The following GK variants were observed in gnomAD, a reference collection of about 807,000 sequenced individuals.
GK encodes glycerol kinase.
A neutral mutation model predicts 56.4 loss-of-function variants in GK; 9 were observed. The ratio of observed to expected loss-of-function variants is 0.16; its 90% CI spans 0.10 to 0.28. The LOEUF (loss-of-function observed/expected upper bound fraction) is 0.28, where lower values mean the gene tolerates loss of function less well. GK is among the 10% of genes least tolerant of loss of function. The pLI is 1.00. For synonymous variants in GK, 104 were observed against 144.1 expected (o/e 0.72, Z 1.99); for missense variants, 161 against 431.4 (o/e 0.37, Z 5.55).
intron 18 of GK, 112 bp downstream of exon 18, chrX:30,721,107 T>C (rs994995023): frequency 2.7e-6 from 2 of 742,340 alleles, no homozygotes; most frequent in African/African-American, 2.1e-5. Context: ...AAATAGTAAA[T>C]GTTATCATTG....
chrX:30,675,448 C>T (rs904026024), intron 3 of GK, among the ~76,000 whole-genome samples: 2 of 108,346 alleles, frequency 1.8e-5, no homozygotes, highest in African/African-American at 3.4e-5. Context: ...CCACCCACCT[C>T]GGCCTCCCAA....
chrX:30,685,427 C>T (rs1381911597), intron 4 of GK, among the ~76,000 whole-genome samples: 2 of 112,329 alleles, frequency 1.8e-5, no homozygotes, highest in African/African-American at 6.5e-5. Flanking sequence ...ACCACCGCGC[C>T]TGGCTAAAAG....
chrX:30,723,947 C>T, intron 18 of GK, 154 bp from the exon 19 acceptor site: 4 of 493,105 alleles, frequency 8.1e-6, no homozygotes, highest in South Asian at 2.8e-5. Context: ...TCATCAGCAA[C>T]CATGTGCTTT....
At chrX:30,725,704 T>C (rs1937098902) in intron 19 of GK, among the ~76,000 whole-genome samples, 1 of 111,595 alleles carries the variant, frequency 9.0e-6, no homozygotes, top group Non-Finnish European at 1.9e-5. Context: ...CAGGCTGGAG[T>C]GCAGTGGTGG....
chrX:30,667,964 A>G (rs1164193066), intron 2 of GK, 48 bp from the exon 3 acceptor site: 2 of 695,284 alleles, frequency 2.9e-6, no homozygotes, highest in Non-Finnish European at 4.7e-6. Context: ...GAAAAAAGTT[A>G]TATTTGTGTT....
In GK at chrX:30,655,374, A is replaced by G. The variant is rs531745539; in HGVS notation, c.78+1759A>G. Among the ~76,000 whole-genome samples, 61 of 111,054 alleles carry G rather than the reference A, an allele frequency of 5.5e-4. No individual in the cohort carries two copies. In the South Asian group the frequency reaches 0.022, roughly 41 times the overall value. ...CCATATTCAAGAATTGCCCACACAA[A>G]TGCCTGCAGGGACCAGGCAGGTAGA... On this transcript the variant is annotated intron_variant, in intron 1 of 20. Transcript: ENST00000427190.
intron 3 of GK, among the ~76,000 whole-genome samples, chrX:30,676,272 C>T (rs1933898728): frequency 8.9e-6 from 1 of 111,895 alleles, no homozygotes; most frequent in African/African-American, 3.2e-5. Flanking sequence ...GGTCTTGCTA[C>T]ATTTTCCAGT....
chrX:30,718,547 G>A lies in GK; in HGVS notation c.985G>A (p.Ala329Thr). 1 of 1,181,869 alleles carries A rather than the reference G, an allele frequency of 8.5e-7. No individual in the cohort carries two copies. Among genetic ancestry groups the A allele is most frequent in the Non-Finnish European group, 1.2e-6 (1 of 868,798 alleles). ...PVYYALEGSV[A>T]IAGAVIRWLR... ...TCCTTTTTTTCTTTAGGGTTCTGTA[G>A]CTATAGCTGGTGCTGTTATTCGCTG... Residue 329 changes from alanine to threonine, a missense_variant, in exon 14 of 21, where the codon GCT (alanine) becomes ACT (threonine). Coordinates refer to ENST00000427190, the MANE Select transcript of GK (RefSeq NM_001205019.2).
chrX:30,665,337 T>A lies in GK; in HGVS notation c.79-174T>A, dbSNP rs757276692. Among the ~76,000 whole-genome samples, 3 of 112,367 alleles carry A rather than the reference T, an allele frequency of 2.7e-5. No homozygotes were observed. In the East Asian group the frequency reaches 8.3e-4, roughly 31 times the overall value. On this transcript the variant is annotated intron_variant, in intron 1 of 20. Transcript: ENST00000427190. The stretch of plus-strand genomic sequence containing the variant: ...TTACCTAAAGAGAAGTTATTTCTGA[T>A]GCTGCCTTATATCTTTTATGAATCC...
chrX:30,721,060 T>C, intron 18 of GK, 65 bp downstream of exon 18: 1 of 1,050,854 alleles, frequency 9.5e-7, no homozygotes, highest in Non-Finnish European at 1.3e-6. Flanking sequence ...ACGGGAGTTT[T>C]GTTTTTCTGT....
chrX:30,699,619 C>T (rs1450116905), intron 9 of GK, among the ~76,000 whole-genome samples: 1 of 110,109 alleles, frequency 9.1e-6, no homozygotes, highest in Admixed American at 9.8e-5. Context: ...CCACCTCGGC[C>T]TCCCAAAGTG....
At chrX:30,694,039 AT>A (rs1935119009) in intron 5 of GK, among the ~76,000 whole-genome samples, 1 of 112,217 alleles carries the variant, frequency 8.9e-6, no homozygotes, top group Non-Finnish European at 1.9e-5. Flanking sequence ...TTTAAATGTC[AT>A]TTTTATGGAA....
intron 4 of GK, among the ~76,000 whole-genome samples, chrX:30,686,538 G>GT (rs903848268): frequency 4.1e-4 from 45 of 109,790 alleles, no homozygotes; most frequent in South Asian, 1.2e-3. Flanking sequence ...TTTTAGTGGG[G>GT]TTTTTTTTTA....
At position 30,677,216 on chromosome X, in the gene GK, CACTCAAAGAAAAT is replaced by C. The variant is rs761994413; in HGVS notation, c.260-157_260-145del. On this transcript the variant is annotated intron_variant, in intron 3 of 20. Coordinates refer to ENST00000427190, the MANE Select transcript of GK (RefSeq NM_001205019.2). Reference sequence around the variant, plus strand: ...ATTGGGTATTGACTTTTTCTGGAGCCACTCAAAGAAAATAAACTAATATCACTACAAATGTTTC... The same window carrying C: ...ATTGGGTATTGACTTTTTCTGGAGCCAAACTAATATCACTACAAATGTTTC... Among the ~76,000 whole-genome samples, 90 of 112,005 alleles carry C rather than the reference CACTCAAAGAAAAT, an allele frequency of 8.0e-4. No homozygotes were observed. In the East Asian group the frequency reaches 0.01, roughly 13 times the overall value.
chrX:30,717,227 T>C (rs1488671851), intron 13 of GK, among the ~76,000 whole-genome samples: 3 of 111,061 alleles, frequency 2.7e-5, no homozygotes, highest in Admixed American at 9.6e-5. Flanking sequence ...TAATAATCTA[T>C]ATGAATGAAC....
intron 3 of GK, among the ~76,000 whole-genome samples, chrX:30,668,668 C>T (rs935670469): frequency 1.8e-5 from 2 of 111,576 alleles, no homozygotes; most frequent in East Asian, 2.8e-4. Flanking sequence ...GGAAGTGGGT[C>T]GGGCTTCATC....
intron 4 of GK, among the ~76,000 whole-genome samples, chrX:30,684,664 C>A (rs1601902212): frequency 2.7e-5 from 1 of 36,737 alleles, no homozygotes; most frequent in East Asian, 9.5e-4. Context: ...AAAACTCCAT[C>A]TCAAAAAAAA....
chrX:30,693,676 G>A (rs1221984847), intron 5 of GK, among the ~76,000 whole-genome samples: 1 of 111,269 alleles, frequency 9.0e-6, no homozygotes, highest in Non-Finnish European at 1.9e-5. Flanking sequence ...AGCTTCCCAA[G>A]TAGCTGAGAT....
At chrX:30,671,336 A>T (rs1414011785) in intron 3 of GK, among the ~76,000 whole-genome samples, 2 of 107,994 alleles carry the variant, frequency 1.9e-5, no homozygotes, top group Non-Finnish European at 1.9e-5. Context: ...AAGGATCTTC[A>T]GTCAACTAGA....
Sources: allele counts gnomAD v4.1 joint callset (sites outside exome capture counted in the v4.1 genomes callset), GRCh38; gene constraint gnomAD v4.1.1; transcripts MANE v1.5; gene names NCBI Gene and HGNC (gene_info 2026-07-23, HGNC 2026-07-21).